Variants in DMD observed in about 807,000 individuals in gnomAD.
The protein encoded by DMD is dystrophin.
A neutral mutation model predicts 330.1 loss-of-function variants in DMD; 63 were observed. The ratio of observed to expected loss-of-function variants is 0.19; its 90% confidence interval spans 0.16 to 0.24. The LOEUF is 0.24. Among genes scored for constraint, DMD ranks in the 10% least tolerant of loss-of-function variants. DMD has a pLI of 1.00. For missense variants in DMD, 3,344 were observed against 2,684.1 expected, an observed-to-expected ratio of 1.25 and a Z score of -5.43; for synonymous variants, 1,223 against 959.8, an observed-to-expected ratio of 1.27 and a Z score of -5.07.
intron 39 of DMD, among the ~76,000 whole-genome samples, chrX:32,344,832 G>A (rs1366505917): frequency 9.0e-6 from 1 of 111,090 alleles, no homozygotes; most frequent in East Asian, 2.8e-4. Context: ...CTCACAGTTG[G>A]AAGGGTGTGA....
chrX:32,781,530 G>T (rs1056208094), intron 7 of DMD, among the ~76,000 whole-genome samples: 1 of 110,608 alleles, frequency 9.0e-6, no homozygotes, highest in Non-Finnish European at 1.9e-5. Flanking sequence ...AATATACCGG[G>T]AACACTGTAG....
intron 13 of DMD, among the ~76,000 whole-genome samples, chrX:32,577,280 C>T (rs2053163258): frequency 1.8e-5 from 2 of 111,979 alleles, no homozygotes; most frequent in African/African-American, 6.5e-5. Context: ...CCAATCCTTG[C>T]CAGTACCTTG....
At chrX:33,008,927 T>C (rs1485806800) in intron 2 of DMD, among the ~76,000 whole-genome samples, 1 of 74,861 alleles carries the variant, frequency 1.3e-5, no homozygotes, top group Non-Finnish European at 2.9e-5. Context: ...TATATATACA[T>C]GTATATATAC....
intron 2 of DMD, among the ~76,000 whole-genome samples, chrX:32,923,892 T>C (rs919109835): frequency 1.8e-5 from 2 of 111,840 alleles, no homozygotes; most frequent in African/African-American, 3.2e-5. Context: ...TAAAATAAGA[T>C]AGATTATCAC....
In DMD at chrX:32,614,173, A is replaced by T. The variant is rs780077107; in HGVS notation, c.1482+130T>A. 26 of 709,343 alleles carry T rather than the reference A, an allele frequency of 3.7e-5. No individual in the cohort carries two copies. The Admixed American group carries it at 8.3e-4, about 23-fold the overall frequency. The allele number at this position is 709,343 out of a possible 1,213,427, so 58.5% of individuals were successfully genotyped here. A position where few individuals can be genotyped will look rare whatever the true frequency, so the allele number is the denominator to read the frequency against. ...TTGCAAAAACAATTAGGTAAAAATA[A>T]TTTTTAAAATATGGCTGACTTTAAG... is the stretch of plus-strand genomic sequence containing the variant. On this transcript the variant is annotated intron_variant, in intron 12 of 78. Coordinates refer to ENST00000357033, the MANE Select transcript of DMD (RefSeq NM_004006.3).
At chrX:33,177,420 T>C (rs1329565593) in intron 1 of DMD, among the ~76,000 whole-genome samples, 1 of 112,117 alleles carries the variant, frequency 8.9e-6, no homozygotes, top group African/African-American at 3.2e-5. Context: ...GGTCTCACTC[T>C]GTCACTCAGG....
intron 44 of DMD, among the ~76,000 whole-genome samples, chrX:32,043,940 G>A (rs184185633): frequency 1.2e-4 from 13 of 111,749 alleles, no homozygotes; most frequent in Non-Finnish European, 2.3e-4. Context: ...CAAGTTGGGG[G>A]GTAATAATCT....
At chrX:31,414,575 A>C (rs976376209) in intron 60 of DMD, among the ~76,000 whole-genome samples, 4 of 112,293 alleles carry the variant, frequency 3.6e-5, no homozygotes, top group Non-Finnish European at 7.5e-5. Flanking sequence ...AAGTTCCACT[A>C]GTTTTTCCAA....
chrX:33,003,598 C>T (rs34508739), intron 2 of DMD, among the ~76,000 whole-genome samples: 5,407 of 106,312 alleles, frequency 0.051, 165 homozygotes, highest in East Asian at 0.2. Flanking sequence ...CAAGTTGCTT[C>T]GTATTTTCTT....
chrX:32,727,790 A>G (rs1212210186), intron 7 of DMD, among the ~76,000 whole-genome samples: 2 of 111,134 alleles, frequency 1.8e-5, no homozygotes, highest in Non-Finnish European at 3.8e-5. Context: ...CCTTTAAAAT[A>G]TATTCCAATT....
chrX:31,612,016 A>G (rs1315752242), intron 55 of DMD, among the ~76,000 whole-genome samples: 1 of 111,105 alleles, frequency 9.0e-6, no homozygotes, highest in Non-Finnish European at 1.9e-5. Context: ...GTTGAGTACT[A>G]TTAAGTACAT....
chrX:32,994,415 C>G (rs1209863197), intron 2 of DMD, among the ~76,000 whole-genome samples: 1 of 110,413 alleles, frequency 9.1e-6, no homozygotes, highest in Admixed American at 9.6e-5. Context: ...ATTCTTTCTC[C>G]GTTTAGCCTT....
rs765748596 is a variant in DMD at position 31,831,770 on chromosome X, G to GT, written c.7200+4947dup. On this transcript the variant is annotated intron_variant, in intron 49 of 78. Transcript: ENST00000357033. Reference sequence around the variant, plus strand: ...CCTGCCACCAAGCCCGGCTAATTTTGTTTTTGTATTTTTAGTAGAGATGGG... The same window carrying GT: ...CCTGCCACCAAGCCCGGCTAATTTTGTTTTTTGTATTTTTAGTAGAGATGGG... 1.4e-4 allele frequency among the ~76,000 whole-genome samples: 16 copies of GT among 110,534 alleles called. No individual in the cohort carries two copies. In the East Asian group the frequency reaches 2.8e-3, roughly 20 times the overall value.
chrX:31,935,395 G>T (rs981087353), intron 45 of DMD, among the ~76,000 whole-genome samples: 1 of 111,600 alleles, frequency 9.0e-6, no homozygotes, highest in Non-Finnish European at 1.9e-5. Flanking sequence ...GGCTGGTCTC[G>T]ATTGCTGGCA....
intron 41 of DMD, among the ~76,000 whole-genome samples, chrX:32,331,423 G>C (rs2097679134): frequency 9.0e-6 from 1 of 111,463 alleles, no homozygotes; most frequent in South Asian, 3.7e-4. Context: ...TTATATGATA[G>C]TAAAACTGCA....
chrX:31,914,448 C>A (rs1382578775), intron 47 of DMD, among the ~76,000 whole-genome samples: 4 of 112,015 alleles, frequency 3.6e-5, no homozygotes, highest in African/African-American at 1.3e-4. Flanking sequence ...TATTGCAGCT[C>A]TATTCACAAT....
intron 1 of DMD, among the ~76,000 whole-genome samples, chrX:33,083,457 G>A (rs1382114134): frequency 9.0e-6 from 1 of 111,357 alleles, no homozygotes; most frequent in Non-Finnish European, 1.9e-5. Context: ...ACCTCTGAAC[G>A]GTAATTCACA....
At chrX:31,252,582 A>C (rs1431375536) in intron 63 of DMD, among the ~76,000 whole-genome samples, 1 of 112,359 alleles carries the variant, frequency 8.9e-6, no homozygotes, top group Admixed American at 9.5e-5. Flanking sequence ...TGACAGGACA[A>C]AAAATCTGAA....
chrX:31,580,008 C>G (rs2076270298), intron 55 of DMD, among the ~76,000 whole-genome samples: 1 of 111,884 alleles, frequency 8.9e-6, no homozygotes, highest in Non-Finnish European at 1.9e-5. Context: ...CCAGCAGGGG[C>G]TATCTTCATC....
Sources: gnomAD v4.1 joint callset for allele counts (sites outside exome capture counted in the v4.1 genomes callset) on GRCh38, gnomAD v4.1.1 for gene constraint, MANE v1.5 for transcripts, NCBI Gene and HGNC (gene_info 2026-07-23, HGNC 2026-07-21) for gene names.